SKAP1: variants seen among roughly 807,000 people sequenced by gnomAD.
SKAP1 encodes src kinase-associated phosphoprotein 1.
Under a neutral mutation model 58.5 loss-of-function variants are expected in SKAP1, and 44 were observed. The observed-to-expected ratio is 0.75, with a 90% CI of 0.59 to 0.97. The LOEUF (loss-of-function observed/expected upper bound fraction) is 0.97, where lower values mean the gene tolerates loss of function less well. Among genes scored for constraint, SKAP1 ranks in the 50% least tolerant of loss-of-function variants. The probability of loss-of-function intolerance (pLI) is 0.00; values close to 1 mark genes in which losing one functional copy is unlikely to be tolerated. For synonymous variants in SKAP1, 127 were observed against 149.7 expected (o/e 0.85, Z 1.11); for missense variants, 390 against 435.2 (o/e 0.90, Z 0.92).
intron 4 of SKAP1, among the ~76,000 whole-genome samples, chr17:48,316,778 G>A (rs1468442867): frequency 6.6e-6 from 1 of 152,160 alleles, no homozygotes; most frequent in Non-Finnish European, 1.5e-5. Flanking sequence ...ACATGACAGA[G>A]ACCACCACGC....
intron 4 of SKAP1, among the ~76,000 whole-genome samples, chr17:48,322,174 T>C (rs1672439552): frequency 6.6e-6 from 1 of 152,238 alleles, no homozygotes; most frequent in African/African-American, 2.4e-5. Context: ...CATTACTTTG[T>C]TCTCTTGCTA....
chr17:48,179,378 C>G (rs933871500), intron 9 of SKAP1, among the ~76,000 whole-genome samples: 2 of 152,196 alleles, frequency 1.3e-5, no homozygotes, highest in Non-Finnish European at 2.9e-5. Context: ...CTGCTGTTAT[C>G]CCCACCAGAC....
intron 10 of SKAP1, among the ~76,000 whole-genome samples, chr17:48,164,014 C>A (rs1329416478): frequency 6.6e-6 from 1 of 152,070 alleles, no homozygotes; most frequent in Non-Finnish European, 1.5e-5. Context: ...CAACAGAGGG[C>A]AGCAAACAAG....
intron 2 of SKAP1, among the ~76,000 whole-genome samples, chr17:48,366,837 C>T (rs2067009271): frequency 6.6e-6 from 1 of 152,126 alleles, no homozygotes; most frequent in Non-Finnish European, 1.5e-5. Flanking sequence ...CGAGTATGTG[C>T]ATACATGTAT....
At chr17:48,424,221 C>CTTTTTT (rs71366876) in intron 1 of SKAP1, among the ~76,000 whole-genome samples, 5 of 106,674 alleles carry the variant, frequency 4.7e-5, no homozygotes, top group Admixed American at 1.1e-4. Flanking sequence ...TCTGGGACCT[C>CTTTTTT]TTTTTTTTTT....
At chr17:48,372,353 C>G (rs139607599) in intron 2 of SKAP1, among the ~76,000 whole-genome samples, 3,728 of 152,096 alleles carry the variant, frequency 0.025, 141 homozygotes, top group African/African-American at 0.083. Flanking sequence ...GTTGCCCAGG[C>G]TGGAGTGTAA....
At chr17:48,257,947 G>C (rs1048138551) in intron 4 of SKAP1, among the ~76,000 whole-genome samples, 3 of 151,996 alleles carry the variant, frequency 2.0e-5, no homozygotes, top group Non-Finnish European at 2.9e-5. Flanking sequence ...TTGAGAATGG[G>C]CCACATGGAT....
chr17:48,226,850 G>A (rs933408971), intron 4 of SKAP1, among the ~76,000 whole-genome samples: 1 of 152,114 alleles, frequency 6.6e-6, no homozygotes, highest in Admixed American at 6.6e-5. Context: ...GGGTGAGCTC[G>A]CACCCTCCAC....
intron 4 of SKAP1, among the ~76,000 whole-genome samples, chr17:48,218,782 T>C (rs2064969910): frequency 6.6e-6 from 1 of 152,130 alleles, no homozygotes; most frequent in South Asian, 2.1e-4. Flanking sequence ...ATATCTGAAC[T>C]GAGAAAGAAA....
intron 2 of SKAP1, among the ~76,000 whole-genome samples, chr17:48,379,619 G>A (rs1244128319): frequency 6.6e-6 from 1 of 150,738 alleles, no homozygotes; most frequent in East Asian, 1.9e-4. Flanking sequence ...CCAGATTATT[G>A]CTTTTGCCCT....
At chr17:48,157,608 C>G (rs889584472) in intron 11 of SKAP1, among the ~76,000 whole-genome samples, 1 of 151,054 alleles carries the variant, frequency 6.6e-6, no homozygotes, top group African/African-American at 2.4e-5. Flanking sequence ...CAGCTCACTG[C>G]AACCTCCGTC....
At chr17:48,385,775 A>G (rs954275305) in intron 2 of SKAP1, among the ~76,000 whole-genome samples, 2 of 152,204 alleles carry the variant, frequency 1.3e-5, no homozygotes, top group Admixed American at 6.5e-5. Context: ...GATGCAGAAA[A>G]GAGGTGGAGG....
At chr17:48,363,006 G>A (rs1301314369) in intron 3 of SKAP1, among the ~76,000 whole-genome samples, 1 of 152,114 alleles carries the variant, frequency 6.6e-6, no homozygotes, top group East Asian at 1.9e-4. Context: ...TAATATTCAG[G>A]TTGATGTTTC....
rs549948032 is a variant in SKAP1, at chr17:48,358,825, G to A, written c.178+4964C>T. ...CATTACAACTCATAGTAACTGTGAA[G>A]TAGATATTATTAGTGAGATTTTATA... On this transcript the variant is annotated intron_variant, in intron 3 of 12. Transcript: ENST00000336915. Among the ~76,000 whole-genome samples the A allele has an allele frequency of 3.9e-5, 6 of 152,258 alleles. No individual in the cohort carries two copies. In the South Asian group the frequency reaches 1.2e-3, roughly 32 times the overall value.
intron 4 of SKAP1, among the ~76,000 whole-genome samples, chr17:48,252,403 C>T (rs1290842446): frequency 1.3e-5 from 2 of 152,174 alleles, no homozygotes; most frequent in Non-Finnish European, 2.9e-5. Context: ...AGAGAGAGGT[C>T]CCATAGCAGC....
intron 4 of SKAP1, among the ~76,000 whole-genome samples, chr17:48,316,801 T>C (rs552513390): frequency 1.4e-4 from 22 of 152,320 alleles, no homozygotes; most frequent in African/African-American, 5.3e-4. Context: ...AGATGAGCTA[T>C]TGATCAGACT....
chr17:48,227,529 A>G (rs977850648), intron 4 of SKAP1, among the ~76,000 whole-genome samples: 1 of 152,218 alleles, frequency 6.6e-6, no homozygotes, highest in African/African-American at 2.4e-5. Context: ...AATTAATGCC[A>G]ATTGAGCACT....
chr17:48,311,214 T>G (rs2066220609), intron 4 of SKAP1, among the ~76,000 whole-genome samples: 1 of 152,036 alleles, frequency 6.6e-6, no homozygotes, highest in African/African-American at 2.4e-5. Context: ...GCATGGCCAT[T>G]AGATGGAGGA....
intron 2 of SKAP1, among the ~76,000 whole-genome samples, chr17:48,365,826 T>A (rs2066995120): frequency 6.7e-6 from 1 of 150,338 alleles, no homozygotes; most frequent in African/African-American, 2.5e-5. Context: ...CAGTTTTTTA[T>A]AGAATTCTTT....
Sources: gnomAD v4.1 joint callset for allele counts (sites outside exome capture counted in the v4.1 genomes callset) on GRCh38, gnomAD v4.1.1 for gene constraint, MANE v1.5 for transcripts, NCBI Gene and HGNC (gene_info 2026-07-23, HGNC 2026-07-21) for gene names.